The following SDK1 variants were observed in gnomAD, a reference collection of about 807,000 sequenced individuals.
SDK1 encodes the protein sidekick cell adhesion molecule 1, also known as protein sidekick-1.
A neutral mutation model predicts 245.5 loss-of-function variants in SDK1; 157 were observed. That is an observed-to-expected ratio of 0.64 (90% CI 0.56 to 0.73). SDK1 has a LOEUF of 0.73. Ranked by LOEUF, SDK1 falls within the 30% of genes least tolerant of loss-of-function variation. The probability of loss-of-function intolerance (pLI) is 0.00; values close to 1 mark genes in which losing one functional copy is unlikely to be tolerated. For missense variants in SDK1, 3,583 were observed against 3,002.3 expected (o/e 1.19, Z -4.52); for synonymous variants, 1,647 against 1,278.5 (o/e 1.29, Z -6.15).
intron 4 of SDK1, among the ~76,000 whole-genome samples, chr7:3,713,399 C>G (rs1422901667): frequency 1.3e-5 from 2 of 152,114 alleles, no homozygotes; most frequent in African/African-American, 2.4e-5. Flanking sequence ...TAAGTAAGGA[C>G]TTCAAAAAAG....
At chr7:4,241,451 G>A (rs1398067689) in intron 42 of SDK1, among the ~76,000 whole-genome samples, 1 of 152,120 alleles carries the variant, frequency 6.6e-6, no homozygotes, top group Non-Finnish European at 1.5e-5. Flanking sequence ...CCTGGGCAAC[G>A]TAGCGAGACC....
chr7:4,265,208 T>TGGAAGC lies in SDK1; in HGVS notation c.6468_6473dup (p.Lys2157_Arg2158dup). 6.2e-7 allele frequency: 1 copy of TGGAAGC among 1,611,192 alleles called. No homozygotes were observed. The highest frequency in any genetic ancestry group is 8.5e-7 in the Non-Finnish European group (1 of 1,179,578). ...GAGCGACCCCACCTACTACAACTCA[T>TGGAAGC]GGAAGCGCAGGGCCCAGGGCCGCGC... On this transcript the variant is annotated inframe_insertion, in exon 45 of 45. Transcript: ENST00000404826.
intron 44 of SDK1, among the ~76,000 whole-genome samples, chr7:4,262,406 C>G (rs6963119): frequency 1.3e-5 from 2 of 151,196 alleles, no homozygotes; most frequent in African/African-American, 2.4e-5. Context: ...GAAAATGAAC[C>G]TAGAAAACAT....
chr7:3,481,725 C>T (rs1030600141), intron 1 of SDK1, among the ~76,000 whole-genome samples: 4 of 152,218 alleles, frequency 2.6e-5, no homozygotes, highest in Admixed American at 2.6e-4. Context: ...TTCTGCTTCC[C>T]TGCTCTTATG....
chr7:3,668,860 C>T (rs1199338980), intron 4 of SDK1, among the ~76,000 whole-genome samples: 2 of 152,214 alleles, frequency 1.3e-5, no homozygotes, highest in Non-Finnish European at 2.9e-5. Flanking sequence ...TGTCCATTTT[C>T]ACCATTGTGT....
chr7:3,504,089 G>A (rs1315207307), intron 1 of SDK1, among the ~76,000 whole-genome samples: 1 of 151,728 alleles, frequency 6.6e-6, no homozygotes, highest in Admixed American at 6.6e-5. Context: ...GGCAGAGGTT[G>A]TAGTGAGCCA....
intron 5 of SDK1, among the ~76,000 whole-genome samples, chr7:3,940,064 G>A (rs963922470): frequency 2.6e-5 from 4 of 152,122 alleles, no homozygotes; most frequent in East Asian, 1.9e-4. Context: ...GAGGATGGCC[G>A]GAGCCACCCT....
chr7:3,757,239 C>G (rs1321832397), intron 4 of SDK1, among the ~76,000 whole-genome samples: 2 of 152,110 alleles, frequency 1.3e-5, no homozygotes, highest in Non-Finnish European at 2.9e-5. Context: ...CTCAGTAACT[C>G]ACTAGAACAG....
intron 22 of SDK1, among the ~76,000 whole-genome samples, chr7:4,080,076 CT>C (rs1159171617): frequency 6.6e-6 from 1 of 152,102 alleles, no homozygotes; most frequent in African/African-American, 2.4e-5. Context: ...GAGAAAAGTG[CT>C]GTCTGGGAAA....
At chr7:3,687,961 G>C (rs1583308465) in intron 4 of SDK1, among the ~76,000 whole-genome samples, 1 of 152,184 alleles carries the variant, frequency 6.6e-6, no homozygotes, top group Admixed American at 6.5e-5. Flanking sequence ...AAGGGAATGA[G>C]AGGAGAAACA....
intron 28 of SDK1, among the ~76,000 whole-genome samples, chr7:4,132,725 C>G (rs75661789): frequency 0.012 from 1,819 of 151,996 alleles, 49 homozygotes; most frequent in African/African-American, 0.042. Flanking sequence ...AAGACCCTAT[C>G]CCCAAAATAA....
chr7:3,784,060 ATTTTCT>A, intron 4 of SDK1, among the ~76,000 whole-genome samples: 1 of 150,250 alleles, frequency 6.7e-6, no homozygotes, highest in Non-Finnish European at 1.5e-5. Flanking sequence ...ATTTAAATTT[ATTTTCT>A]TTTTCTTTTT....
chr7:3,859,385 T>C (rs907779184), intron 5 of SDK1, among the ~76,000 whole-genome samples: 2 of 152,148 alleles, frequency 1.3e-5, no homozygotes, highest in African/African-American at 4.8e-5. Flanking sequence ...AATCCACTTA[T>C]CAGGCACTTT....
At chr7:3,362,110 T>C (rs1235498451) in intron 1 of SDK1, among the ~76,000 whole-genome samples, 2 of 152,156 alleles carry the variant, frequency 1.3e-5, no homozygotes, top group Non-Finnish European at 2.9e-5. Flanking sequence ...GTTCTTATAA[T>C]AGCATTTTGA....
intron 17 of SDK1, among the ~76,000 whole-genome samples, chr7:4,042,417 G>T (rs1388450904): frequency 7.3e-6 from 1 of 137,076 alleles, no homozygotes; most frequent in Non-Finnish European, 1.5e-5. Flanking sequence ...CAGGACAGAA[G>T]ACTTTGTCAT....
intron 1 of SDK1, among the ~76,000 whole-genome samples, chr7:3,494,423 G>C (rs1251654399): frequency 2.0e-5 from 3 of 152,154 alleles, no homozygotes; most frequent in African/African-American, 7.2e-5. Flanking sequence ...TGAATACAAT[G>C]ATGACTTGTA....
At chr7:3,556,855 A>G (rs1779601754) in intron 1 of SDK1, among the ~76,000 whole-genome samples, 1 of 152,150 alleles carries the variant, frequency 6.6e-6, no homozygotes, top group Admixed American at 6.5e-5. Flanking sequence ...TAACACAAAG[A>G]AGGGATTAGT....
At chr7:3,638,909 A>G (rs1782558381) in intron 2 of SDK1, 95 bp from the exon 3 acceptor site, 7 of 626,398 alleles carry the variant, frequency 1.1e-5, no homozygotes, top group Non-Finnish European at 1.7e-5. Context: ...ACTAGATGAG[A>G]TGCCAGTGCT....
At chr7:3,615,338 A>G (rs1449932286) in intron 1 of SDK1, among the ~76,000 whole-genome samples, 2 of 151,662 alleles carry the variant, frequency 1.3e-5, no homozygotes, top group Non-Finnish European at 2.9e-5. Flanking sequence ...GCTGAAGTAC[A>G]TAGGAAAAAG....
Sources: allele counts gnomAD v4.1 joint callset (sites outside exome capture counted in the v4.1 genomes callset), GRCh38; gene constraint gnomAD v4.1.1; transcripts MANE v1.5; gene names NCBI Gene and HGNC (gene_info 2026-07-23, HGNC 2026-07-21).